Variants in PHIP observed in about 807,000 individuals in gnomAD.
PHIP encodes the protein PH-interacting protein.
PHIP carries 54 observed loss-of-function variants against 236.8 expected under a neutral mutation model. The observed-to-expected ratio is 0.23, with a 90% CI of 0.18 to 0.29. PHIP has a LOEUF of 0.29. PHIP is among the 10% of genes least tolerant of loss of function. PHIP has a pLI of 1.00. For synonymous variants in PHIP, 756 were observed against 718.9 expected (o/e 1.05, Z -0.83); for missense variants, 1,370 against 2,190.8 (o/e 0.63, Z 7.48).
At chr6:79,056,783 A>G (rs1186025865) in intron 6 of PHIP, among the ~76,000 whole-genome samples, 2 of 152,184 alleles carry the variant, frequency 1.3e-5, no homozygotes, top group African/African-American at 4.8e-5. Flanking sequence ...CAGGGGCTCA[A>G]GTAGCAATTA....
rs751829977 is a variant in PHIP at position 79,004,225 on chromosome 6, G to A, written c.1525-367C>T. On this transcript the variant is annotated intron_variant, in intron 15 of 39. Coordinates refer to ENST00000275034, the MANE Select transcript of PHIP (RefSeq NM_017934.7). ...AAAAGCTGACATGTAGCAACTGTAC[G>A]GATTTTTTGGTAATTCTTGGAAGTA... is the stretch of plus-strand genomic sequence containing the variant. Among the ~76,000 whole-genome samples the A allele has an allele frequency of 7.9e-5, 12 of 151,910 alleles. No individual in the cohort carries two copies. In the East Asian group the frequency reaches 1.4e-3, roughly 17 times the overall value.
chr6:78,970,833 T>C lies in PHIP; in HGVS notation c.2945A>G (p.Lys982Arg), dbSNP rs1351083529. 1.9e-6 allele frequency: 3 copies of C among 1,612,148 alleles called. No homozygotes were observed. Among genetic ancestry groups the C allele is most frequent in the Non-Finnish European group, 2.5e-6 (3 of 1,179,266 alleles). Residue 982 changes from lysine (K) to arginine (R), a missense_variant, in exon 25 of 40, where the codon AAA becomes AGA. Physicochemically the swap from Lys to Arg is conservative, Grantham distance 26. Transcript: ENST00000275034. Reference sequence around the variant, plus strand: ...TTTTTTGGGATTGATACTATATATTTTATTTTTCCGGGCCATTTCGACATA... The same window carrying C: ...TTTTTTGGGATTGATACTATATATTCTATTTTTCCGGGCCATTTCGACATA... Reference protein sequence around the residue: ...EAYVEMARKNKIYSINPKKQP... With the variant: ...EAYVEMARKNRIYSINPKKQP...
At chr6:79,077,401 T>C in intron 4 of PHIP, 47 bp downstream of exon 4, 2 of 1,502,312 alleles carry the variant, frequency 1.3e-6, no homozygotes, top group Non-Finnish European at 1.8e-6. Context: ...TCAATTTTTA[T>C]TCGACTCAGG....
intron 19 of PHIP, among the ~76,000 whole-genome samples, chr6:78,992,339 C>T (rs867606678): frequency 3.4e-4 from 51 of 152,136 alleles, no homozygotes; most frequent in African/African-American, 1.1e-3. Context: ...AAACATGGTA[C>T]AACATCAGAA....
At chr6:78,989,015 A>T (rs952451702) in intron 20 of PHIP, among the ~76,000 whole-genome samples, 14 of 152,286 alleles carry the variant, frequency 9.2e-5, no homozygotes, top group Admixed American at 3.9e-4. Context: ...TACAACCAAT[A>T]AACACTAAAA....
At chr6:78,960,736 G>A (rs1195269871) in intron 31 of PHIP, among the ~76,000 whole-genome samples, 1 of 151,918 alleles carries the variant, frequency 6.6e-6, no homozygotes, top group Admixed American at 6.6e-5. Flanking sequence ...CACATTTTTG[G>A]TTTTCACAAC....
intron 27 of PHIP, among the ~76,000 whole-genome samples, chr6:78,969,607 G>C (rs1347316703): frequency 1.3e-5 from 2 of 151,996 alleles, no homozygotes; most frequent in Non-Finnish European, 2.9e-5. Flanking sequence ...TGAAAATAAA[G>C]TCAAATGTAA....
In PHIP at chr6:78,963,085, T is replaced by G; in HGVS notation, c.3535+12A>C. Reference sequence around the variant, plus strand: ...GCCAGTTTTTTCTATACTCGCGTGTTGCTTTACTTACCTAGTGTCATCAAC... The same window carrying G: ...GCCAGTTTTTTCTATACTCGCGTGTGGCTTTACTTACCTAGTGTCATCAAC... On this transcript the variant is annotated intron_variant, in intron 30 of 39. Transcript: ENST00000275034. 1 of 1,571,276 alleles carries G rather than the reference T, an allele frequency of 6.4e-7. No homozygotes were observed. Among genetic ancestry groups the G allele is most frequent in the Non-Finnish European group, 8.6e-7 (1 of 1,162,284 alleles).
chr6:79,060,926 C>T (rs1423091418), intron 4 of PHIP, 108 bp from the exon 5 acceptor site: 5 of 666,258 alleles, frequency 7.5e-6, no homozygotes, highest in African/African-American at 5.6e-5. Flanking sequence ...TTTTGTTTTG[C>T]GTCTTTGATG....
At chr6:79,072,179 G>A (rs1375485380) in intron 4 of PHIP, among the ~76,000 whole-genome samples, 1 of 152,170 alleles carries the variant, frequency 6.6e-6, no homozygotes, top group Non-Finnish European at 1.5e-5. Flanking sequence ...CTGTATAGAA[G>A]GAGGCAGACG....
intron 36 of PHIP, 28 bp from the exon 37 acceptor site, chr6:78,946,902 C>G (rs768132572): frequency 6.0e-6 from 9 of 1,489,150 alleles, no homozygotes; most frequent in Non-Finnish European, 8.1e-6. Context: ...AAGTGTTCAA[C>G]CATTCCTTGG....
At chr6:79,050,075 T>C (rs567746079) in intron 6 of PHIP, among the ~76,000 whole-genome samples, 6 of 151,528 alleles carry the variant, frequency 4.0e-5, no homozygotes, top group South Asian at 2.1e-4. Flanking sequence ...AAAGCAACCA[T>C]GGTTTAGAGT....
chr6:79,071,520 A>G (rs763895720), intron 4 of PHIP, among the ~76,000 whole-genome samples: 1 of 152,212 alleles, frequency 6.6e-6, no homozygotes, highest in African/African-American at 2.4e-5. Flanking sequence ...TTTGATTCCT[A>G]TAATAGCCTT....
intron 6 of PHIP, among the ~76,000 whole-genome samples, chr6:79,059,995 G>A (rs1341093918): frequency 2.0e-5 from 3 of 151,814 alleles, no homozygotes; most frequent in African/African-American, 4.8e-5. Flanking sequence ...GTATTAATCC[G>A]GGTAAGGCAA....
At chr6:78,966,987 A>T (rs1037181495) in intron 27 of PHIP, among the ~76,000 whole-genome samples, 4 of 152,222 alleles carry the variant, frequency 2.6e-5, no homozygotes, top group Non-Finnish European at 5.9e-5. Context: ...TTTTTGACTA[A>T]TGAGTTCTAT....
At chr6:79,032,964 GCAAGCATAAAAACAA>G (rs1205862324) in intron 7 of PHIP, among the ~76,000 whole-genome samples, 7 of 152,034 alleles carry the variant, frequency 4.6e-5, no homozygotes, top group Non-Finnish European at 8.8e-5. Context: ...TGTATTGTCA[GCAAGCATAAAAACAA>G]CACTAACCAC....
chr6:78,975,184 T>C (rs1767955657), intron 24 of PHIP, among the ~76,000 whole-genome samples: 1 of 151,816 alleles, frequency 6.6e-6, no homozygotes, highest in Non-Finnish European at 1.5e-5. Context: ...CATGAACAAG[T>C]GGGCTTCATC....
chr6:79,027,466 G>A (rs1582246312), intron 7 of PHIP, among the ~76,000 whole-genome samples: 1 of 152,160 alleles, frequency 6.6e-6, no homozygotes, highest in African/African-American at 2.4e-5. Context: ...AGGTTAAAAT[G>A]GATGGCCTTT....
chr6:78,983,047 G>A lies in PHIP; in HGVS notation c.2608C>T (p.Pro870Ser). 1 of 1,611,830 alleles carries A rather than the reference G, an allele frequency of 6.2e-7. No homozygotes were observed. The highest frequency in any genetic ancestry group is 8.5e-7 in the Non-Finnish European group (1 of 1,179,182). ...TCTGCTTTCTTGGTTTTATTCTTAG[G>A]AACTTTCTTTGGTGGCTGCAGATTA... ...GINLQPPKKV[P>S]KNKTKKAESS... The change falls in exon 23 of 40, where the codon CCT (proline) becomes TCT (serine). Residue 870 changes from proline to serine, a missense_variant. Coordinates refer to ENST00000275034, the MANE Select transcript of PHIP (RefSeq NM_017934.7).
Sources: gnomAD v4.1 joint callset for allele counts (sites outside exome capture counted in the v4.1 genomes callset) on GRCh38, gnomAD v4.1.1 for gene constraint, MANE v1.5 for transcripts, NCBI Gene and HGNC (gene_info 2026-07-23, HGNC 2026-07-21) for gene names.